The following TSPEAR variants were observed in gnomAD, a reference collection of about 807,000 sequenced individuals.
The protein encoded by TSPEAR is thrombospondin-type laminin G domain and EAR repeat-containing protein.
In TSPEAR, 69 loss-of-function variants were observed where a neutral mutation model predicts 71.6. The ratio of observed to expected loss-of-function variants is 0.96; its 90% CI spans 0.79 to 1.18. The LOEUF (loss-of-function observed/expected upper bound fraction) is 1.18, where lower values mean the gene tolerates loss of function less well. TSPEAR is among the 50% of genes most tolerant of loss of function. The pLI is 0.00. For missense variants in TSPEAR, 971 were observed against 894.9 expected (o/e 1.09, Z -1.09); for synonymous variants, 402 against 387.2 (o/e 1.04, Z -0.45).
chr21:44,674,731 A>AGTGTGTGTGTGTGT (rs59452363), intron 1 of TSPEAR, among the ~76,000 whole-genome samples: 17 of 127,148 alleles, frequency 1.3e-4, no homozygotes, highest in African/African-American at 2.7e-4. Context: ...CTGTCTTTAA[A>AGTGTGTGTGTGTGT]GTGTGTGTGT....
chr21:44,638,796 C>G (rs182183187), intron 1 of TSPEAR, among the ~76,000 whole-genome samples: 51 of 152,072 alleles, frequency 3.4e-4, no homozygotes, highest in Middle Eastern at 3.4e-3. Flanking sequence ...ACTCTGGGCC[C>G]CTGAGCCACA....
rs782256085 is a variant in TSPEAR at position 44,504,801 on chromosome 21, G to A, written c.1835C>T (p.Ser612Leu). 1.7e-5 allele frequency: 28 copies of A among 1,613,686 alleles called. No individual in the cohort carries two copies. Among genetic ancestry groups the A allele is most frequent in the East Asian group, 2.2e-5 (1 of 44,848 alleles). The change falls in exon 11 of 12, where the codon TCG (serine) becomes TTG (leucine). Residue 612 changes from serine (S) to leucine (L), a missense_variant. By Grantham distance (145) the Ser-to-Leu change is moderately radical. Coordinates refer to ENST00000323084, the MANE Select transcript of TSPEAR (RefSeq NM_144991.3). ...VANSFDGRTF[S>L]VNSIIYRWQG... Reference sequence around the variant, plus strand: ...TTACCTGTAAATAATACTGTTCACCGAGAAGGTACGCCCATCGAAGGAGTT... The same window carrying A: ...TTACCTGTAAATAATACTGTTCACCAAGAAGGTACGCCCATCGAAGGAGTT...
chr21:44,681,679 A>T, intron 1 of TSPEAR: 2 of 1,043,470 alleles, frequency 1.9e-6, no homozygotes, highest in Non-Finnish European at 1.4e-6. Flanking sequence ...AGGGCTCCAG[A>T]TCATTCTATT....
intron 8 of TSPEAR, among the ~76,000 whole-genome samples, chr21:44,522,496 T>A (rs2052755797): frequency 1.3e-5 from 2 of 152,084 alleles, no homozygotes; most frequent in African/African-American, 4.8e-5. Context: ...CGGAGGCCCC[T>A]CCCTCTCAAC....
intron 1 of TSPEAR, among the ~76,000 whole-genome samples, chr21:44,585,990 C>T (rs587653081): frequency 2.6e-5 from 4 of 152,342 alleles, no homozygotes; most frequent in Middle Eastern, 3.4e-3. Flanking sequence ...CCTTGTCTGC[C>T]GCTGGCTGAG....
intron 2 of TSPEAR, among the ~76,000 whole-genome samples, chr21:44,562,058 A>G (rs1555921128): frequency 6.6e-6 from 1 of 152,224 alleles, no homozygotes; most frequent in Non-Finnish European, 1.5e-5. Flanking sequence ...TTTGCAGGTG[A>G]CATGATTCTA....
At position 44,626,477 on chromosome 21, in the gene TSPEAR, G is replaced by A. The variant is rs368081290; in HGVS notation, c.83-58472C>T. Reference sequence around the variant, plus strand: ...CTGCTGCCTAGCACAGCTACTTCACGGGTTCAGAACCCGAAACCACAGCCC... The same window carrying A: ...CTGCTGCCTAGCACAGCTACTTCACAGGTTCAGAACCCGAAACCACAGCCC... On this transcript the variant is annotated intron_variant, in intron 1 of 11. Coordinates refer to ENST00000323084, the MANE Select transcript of TSPEAR (RefSeq NM_144991.3). Among the ~76,000 whole-genome samples the A allele has an allele frequency of 7.2e-5, 11 of 152,294 alleles. 1 individual carries two copies. Among genetic ancestry groups the A allele is most frequent in the Non-Finnish European group, 7.4e-5 (5 of 68,018 alleles).
chr21:44,571,099 A>C (rs2053788837), intron 1 of TSPEAR, among the ~76,000 whole-genome samples: 1 of 152,184 alleles, frequency 6.6e-6, no homozygotes, highest in South Asian at 2.1e-4. Flanking sequence ...GAAAACACCA[A>C]CTCTTTTCAT....
At chr21:44,691,592 C>G (rs906993881) in intron 1 of TSPEAR, among the ~76,000 whole-genome samples, 1 of 152,182 alleles carries the variant, frequency 6.6e-6, no homozygotes, top group Non-Finnish European at 1.5e-5. Context: ...CAAACATTGA[C>G]AGAATTCAAG....
intron 1 of TSPEAR, among the ~76,000 whole-genome samples, chr21:44,706,361 G>A (rs1484496064): frequency 7.3e-5 from 11 of 149,692 alleles, no homozygotes; most frequent in African/African-American, 2.5e-4. Context: ...GCACCCACTT[G>A]CACGCCCATG....
At chr21:44,674,730 A>ATGTGTGTG (rs1986220455) in intron 1 of TSPEAR, among the ~76,000 whole-genome samples, 3 of 81,194 alleles carry the variant, frequency 3.7e-5, no homozygotes, top group South Asian at 9.9e-4. Context: ...TCTGTCTTTA[A>ATGTGTGTG]AGTGTGTGTG....
chr21:44,504,068 T>C (rs2052124386), intron 11 of TSPEAR, among the ~76,000 whole-genome samples: 1 of 129,326 alleles, frequency 7.7e-6, no homozygotes, highest in African/African-American at 3.0e-5. Flanking sequence ...CGGTGAGCCC[T>C]TGGGGGGAAG....
chr21:44,637,554 G>A, intron 1 of TSPEAR: 1 of 1,613,708 alleles, frequency 6.2e-7, no homozygotes, highest in South Asian at 1.1e-5. Context: ...ACCCCAGTGA[G>A]CTGTGTGTCC....
intron 1 of TSPEAR, among the ~76,000 whole-genome samples, chr21:44,651,915 T>C (rs185615632): frequency 2.6e-5 from 4 of 152,038 alleles, no homozygotes; most frequent in South Asian, 2.1e-4. Context: ...CTGAGGACTA[T>C]AGACCGAGGC....
intron 2 of TSPEAR, among the ~76,000 whole-genome samples, chr21:44,564,835 T>G (rs2053682720): frequency 6.6e-6 from 1 of 152,178 alleles, no homozygotes; most frequent in South Asian, 2.1e-4. Context: ...AATATACATT[T>G]TTTTGAAATG....
At position 44,666,818 on chromosome 21, in the gene TSPEAR, G is replaced by C. The variant is rs370193293; in HGVS notation, c.82+44615C>G. 75 of 1,609,618 alleles carry C rather than the reference G, an allele frequency of 4.7e-5. No homozygotes were observed. In the South Asian group the frequency reaches 4.9e-4, roughly 10 times the overall value. The stretch of plus-strand genomic sequence containing the variant: ...CCTGGCAGGAGCTGGGCACACAACA[G>C]GCTGGCTGGCAGGGGCTGGGCGCGC... On this transcript the variant is annotated intron_variant, in intron 1 of 11. Coordinates refer to ENST00000323084, the MANE Select transcript of TSPEAR (RefSeq NM_144991.3).
chr21:44,648,300 AG>A (rs1176007696), intron 1 of TSPEAR, among the ~76,000 whole-genome samples: 1 of 152,220 alleles, frequency 6.6e-6, no homozygotes, highest in Non-Finnish European at 1.5e-5. Context: ...AGAGGGCACT[AG>A]TGAGACCAGT....
At chr21:44,688,130 C>CATA (rs1290685974) in intron 1 of TSPEAR, among the ~76,000 whole-genome samples, 2 of 152,124 alleles carry the variant, frequency 1.3e-5, no homozygotes, top group Non-Finnish European at 2.9e-5. Flanking sequence ...TAAATGTTTT[C>CATA]ATAAAAAATA....
intron 9 of TSPEAR, among the ~76,000 whole-genome samples, chr21:44,513,181 C>T (rs782673544): frequency 1.3e-5 from 2 of 152,336 alleles, no homozygotes; most frequent in East Asian, 1.9e-4. Context: ...GCCGAGTCCA[C>T]GGTAGGGCGG....
Sources: gnomAD v4.1 joint callset for allele counts (sites outside exome capture counted in the v4.1 genomes callset) on GRCh38, gnomAD v4.1.1 for gene constraint, MANE v1.5 for transcripts, NCBI Gene and HGNC (gene_info 2026-07-23, HGNC 2026-07-21) for gene names.